ABI3BP: variants seen among roughly 807,000 people sequenced by gnomAD.
ABI3BP encodes the protein target of Nesh-SH3.
ABI3BP carries 216 observed loss-of-function variants against 268.6 expected under a neutral mutation model. The ratio of observed to expected loss-of-function variants is 0.80; its 90% CI spans 0.72 to 0.90. ABI3BP has a LOEUF of 0.90. Among genes scored for constraint, ABI3BP ranks in the 40% least tolerant of loss-of-function variants. The pLI is 0.00. For synonymous variants in ABI3BP, 730 were observed against 730.0 expected (o/e 1.00, Z 0.00); for missense variants, 2,090 against 2,182.4 (o/e 0.96, Z 0.84).
chr3:100,982,621 C>T (rs909852191), intron 1 of ABI3BP, among the ~76,000 whole-genome samples: 19 of 151,976 alleles, frequency 1.3e-4, no homozygotes, highest in Non-Finnish European at 2.5e-4. Flanking sequence ...CAGTATTTAT[C>T]TTTCCAGCTC....
chr3:100,750,979 C>T (rs535941405), intron 67 of ABI3BP, among the ~76,000 whole-genome samples: 1 of 152,228 alleles, frequency 6.6e-6, no homozygotes, highest in Non-Finnish European at 1.5e-5. Context: ...ATTTAGAGAA[C>T]CTCCAGGTGA....
At chr3:100,851,279 A>G (rs1419061477) in intron 15 of ABI3BP, among the ~76,000 whole-genome samples, 1 of 152,224 alleles carries the variant, frequency 6.6e-6, no homozygotes, top group African/African-American at 2.4e-5. Flanking sequence ...TTGAATGCCA[A>G]AGATTAGACC....
intron 2 of ABI3BP, chr3:100,911,572 A>T (rs1238654464): frequency 3.1e-6 from 2 of 653,090 alleles, no homozygotes; most frequent in East Asian, 5.3e-5. Context: ...TCCTTTACTG[A>T]TCCATCTTCT....
At chr3:100,911,101 G>A (rs773051951) in intron 2 of ABI3BP, 2 of 308,102 alleles carry the variant, frequency 6.5e-6, no homozygotes, top group Non-Finnish European at 1.3e-5. Flanking sequence ...TTTGTCTTAT[G>A]TCTCTAACTG....
chr3:100,889,189 AT>A (rs1449441941), intron 4 of ABI3BP, among the ~76,000 whole-genome samples: 1 of 152,132 alleles, frequency 6.6e-6, no homozygotes, highest in African/African-American at 2.4e-5. Context: ...AGGGCTTATG[AT>A]TTTTATTTAC....
In ABI3BP at chr3:100,751,691, T is replaced by C. The variant is rs1211413329; in HGVS notation, c.5123-17A>G. On this transcript the variant is annotated splice_polypyrimidine_tract_variant and intron_variant, in intron 66 of 67. Coordinates refer to ENST00000471714, the MANE Select transcript of ABI3BP (RefSeq NM_001375547.2). Reference sequence around the variant, plus strand: ...AAAATTTTCCTGAAGAACCAGAAATTAAAAGGATAAAGTTTACTTTCTTAC... The same window carrying C: ...AAAATTTTCCTGAAGAACCAGAAATCAAAAGGATAAAGTTTACTTTCTTAC... 1 of 1,576,284 alleles carries C rather than the reference T, an allele frequency of 6.3e-7. No homozygotes were observed. Among genetic ancestry groups the C allele is most frequent in the East Asian group, 2.3e-5 (1 of 44,056 alleles).
At chr3:100,992,677 T>C (rs1474424584) in intron 1 of ABI3BP, among the ~76,000 whole-genome samples, 3 of 152,218 alleles carry the variant, frequency 2.0e-5, no homozygotes, top group Non-Finnish European at 4.4e-5. Context: ...ATTTTAATTT[T>C]CTTCTGATAA....
chr3:100,782,317 A>T (rs1009091495), intron 57 of ABI3BP, among the ~76,000 whole-genome samples: 1 of 152,194 alleles, frequency 6.6e-6, no homozygotes, highest in East Asian at 1.9e-4. Flanking sequence ...ATTATACGTA[A>T]GACCAAAGAT....
chr3:100,904,202 G>C (rs990846782), intron 2 of ABI3BP, among the ~76,000 whole-genome samples: 8 of 152,164 alleles, frequency 5.3e-5, no homozygotes, highest in Admixed American at 1.3e-4. Context: ...TTGTAGATGA[G>C]ATAACTGGGG....
At chr3:100,956,851 T>A (rs2153801210) in intron 1 of ABI3BP, among the ~76,000 whole-genome samples, 1 of 152,226 alleles carries the variant, frequency 6.6e-6, no homozygotes, top group East Asian at 1.9e-4. Context: ...GAATACCCAG[T>A]GCAAAGACTC....
In ABI3BP at chr3:100,751,548, A is replaced by G. The variant is rs933007047; in HGVS notation, c.5245+4T>C. 4 of 1,583,898 alleles carry G rather than the reference A, an allele frequency of 2.5e-6. No individual in the cohort carries two copies. The highest frequency in any genetic ancestry group is 1.3e-5 in the African/African-American group (1 of 74,280). ...GTTCTTATGAGGAGGATCAGAAAAC[A>G]TACCTTCTTTGATTGGTAACTGGTC... On this transcript the variant is annotated splice_donor_region_variant and intron_variant, in intron 67 of 67. Transcript: ENST00000471714.
In ABI3BP at chr3:100,751,636, C is replaced by T; in HGVS notation, c.5161G>A (p.Glu1721Lys). The T allele has an allele frequency of 6.2e-7, 1 of 1,604,628 alleles. No individual in the cohort carries two copies. The highest frequency in any genetic ancestry group is 8.5e-7 in the Non-Finnish European group (1 of 1,174,988). ...GAATCCACAAACTGGCAGTGATCTT[C>T]TCCATGGCCCCTCTGATCACCTATG... ...YNIGDQRGHG[E>K]DHCQFVDSFL... Residue 1721 changes from glutamate (E) to lysine (K), a missense_variant, in exon 67 of 68, where the codon GAA becomes AAA. Coordinates refer to ENST00000471714, the MANE Select transcript of ABI3BP (RefSeq NM_001375547.2).
At chr3:100,893,579 C>A (rs1278854603) in intron 4 of ABI3BP, among the ~76,000 whole-genome samples, 1 of 152,002 alleles carries the variant, frequency 6.6e-6, no homozygotes, top group South Asian at 2.1e-4. Flanking sequence ...CACCAAGAGA[C>A]ATTTCAGTGG....
chr3:100,831,145 C>G (rs985649531), intron 31 of ABI3BP, among the ~76,000 whole-genome samples: 1 of 152,078 alleles, frequency 6.6e-6, no homozygotes, highest in African/African-American at 2.4e-5. Flanking sequence ...CATCTCTTCC[C>G]CTTGAGTGTG....
Position 100,778,338 on chromosome 3 carries a change from GGTGTGT to G in ABI3BP, c.4273_4278del (p.Thr1425_His1426del). 6.2e-7 allele frequency: 1 copy of G among 1,613,762 alleles called. No individual in the cohort carries two copies. Among genetic ancestry groups the G allele is most frequent in the Non-Finnish European group, 8.5e-7 (1 of 1,179,802 alleles). ...TTTGGTGGTAAAGGTTTTCTTCGTG[GGTGTGT>G]AGGTCTGGGTGGCAAGGGTGGGCGG... On this transcript the variant is annotated inframe_deletion, in exon 59 of 68. Coordinates refer to ENST00000471714, the MANE Select transcript of ABI3BP (RefSeq NM_001375547.2).
In ABI3BP at chr3:100,752,902, A is replaced by G. The variant is rs371184471; in HGVS notation, c.5007T>C (p.Ser1669=). The G allele has an allele frequency of 1.2e-5, 20 of 1,613,480 alleles. No homozygotes were observed. Among genetic ancestry groups the G allele is most frequent in the Non-Finnish European group, 1.4e-5 (16 of 1,179,672 alleles). Residue 1669 remains serine, a synonymous_variant, in exon 66 of 68, where the codon TCT becomes TCC. Transcript: ENST00000471714. ...IWTERPFNSD[S]YSECKGKQYV... is the part of the protein sequence containing the mutation. ...ATTGTTTGCCCTTACACTCTGAGTAAGAGTCTGAATTAAAGGGTCTTTCAG... is the reference window on the plus strand; with the variant it reads ...ATTGTTTGCCCTTACACTCTGAGTAGGAGTCTGAATTAAAGGGTCTTTCAG...
intron 2 of ABI3BP, among the ~76,000 whole-genome samples, chr3:100,908,030 G>T (rs904594648): frequency 6.6e-6 from 1 of 151,520 alleles, no homozygotes; most frequent in Non-Finnish European, 1.5e-5. Context: ...GCAGGAGAAT[G>T]GTGTGAACCT....
At chr3:100,866,765 T>C in intron 10 of ABI3BP, 114 bp downstream of exon 10, 1 of 875,894 alleles carries the variant, frequency 1.1e-6, no homozygotes, top group Non-Finnish European at 1.7e-6. Context: ...GTTTTGCATT[T>C]ATGATCAAAA....
intron 1 of ABI3BP, among the ~76,000 whole-genome samples, chr3:100,937,553 C>T (rs531177094): frequency 9.9e-5 from 15 of 152,140 alleles, no homozygotes; most frequent in East Asian, 5.8e-4. Flanking sequence ...TACTGTAGAA[C>T]GGGCTATGAC....
Sources: allele counts gnomAD v4.1 joint callset (sites outside exome capture counted in the v4.1 genomes callset), GRCh38; gene constraint gnomAD v4.1.1; transcripts MANE v1.5; gene names NCBI Gene and HGNC (gene_info 2026-07-23, HGNC 2026-07-21).